GRM8: variants seen among roughly 807,000 people sequenced by gnomAD.
The protein encoded by GRM8 is metabotropic glutamate receptor 8.
GRM8 carries 47 observed loss-of-function variants against 87.2 expected under a neutral mutation model. The ratio of observed to expected loss-of-function variants is 0.54; its 90% CI spans 0.43 to 0.69. GRM8 has a LOEUF of 0.69. Ranked by LOEUF, GRM8 falls within the 30% of genes least tolerant of loss-of-function variation. The pLI is 0.00. For missense variants in GRM8, 1,019 were observed against 1,139.2 expected (o/e 0.89, Z 1.52); for synonymous variants, 396 against 404.5 (o/e 0.98, Z 0.25).
intron 9 of GRM8, among the ~76,000 whole-genome samples, chr7:126,478,178 G>A (rs1806222441): frequency 6.6e-6 from 1 of 152,066 alleles, no homozygotes; most frequent in African/African-American, 2.4e-5. Flanking sequence ...ATCTTTTTAG[G>A]AGACACCATT....
chr7:126,717,255 C>T (rs1811861124), intron 7 of GRM8, among the ~76,000 whole-genome samples: 1 of 152,076 alleles, frequency 6.6e-6, no homozygotes, highest in African/African-American at 2.4e-5. Flanking sequence ...GGAGCTGATC[C>T]CTGAGGCAAA....
chr7:126,879,615 C>T (rs2051681), intron 6 of GRM8, among the ~76,000 whole-genome samples: 27,135 of 149,952 alleles, frequency 0.18, 2,511 homozygotes, highest in Middle Eastern at 0.23. Context: ...CAAAGCCGTA[C>T]ATCACCACAT....
chr7:126,882,748 C>A (rs909539973), intron 6 of GRM8, among the ~76,000 whole-genome samples: 1 of 151,394 alleles, frequency 6.6e-6, no homozygotes, highest in African/African-American at 2.5e-5. Flanking sequence ...AATAGGAGAG[C>A]CTCCTGATGT....
At chr7:126,546,893 A>G (rs978172522) in intron 8 of GRM8, among the ~76,000 whole-genome samples, 11 of 152,178 alleles carry the variant, frequency 7.2e-5, no homozygotes, top group Non-Finnish European at 1.6e-4. Context: ...AAGTAAATCA[A>G]GGGGTTTTTT....
intron 7 of GRM8, among the ~76,000 whole-genome samples, chr7:126,732,725 T>C (rs1813736238): frequency 6.6e-6 from 1 of 152,102 alleles, no homozygotes; most frequent in South Asian, 2.1e-4. Context: ...AATACCTTCA[T>C]TTATCATTGT....
At position 126,475,009 on chromosome 7, in the gene GRM8, A is replaced by G. The variant is rs539226439; in HGVS notation, c.2431-28637T>C. Among the ~76,000 whole-genome samples, 18 of 152,290 alleles carry G rather than the reference A, an allele frequency of 1.2e-4. No homozygotes were observed. In the East Asian group the frequency reaches 3.5e-3, roughly 30 times the overall value. Reference sequence around the variant, plus strand: ...CATAACAAATGCCATATATAACAAAATCACAGCTAATGTCATACTTCACAG... The same window carrying G: ...CATAACAAATGCCATATATAACAAAGTCACAGCTAATGTCATACTTCACAG... On this transcript the variant is annotated intron_variant, in intron 9 of 10. Coordinates refer to ENST00000339582, the MANE Select transcript of GRM8 (RefSeq NM_000845.3).
At chr7:126,614,394 A>G (rs962438074) in intron 7 of GRM8, among the ~76,000 whole-genome samples, 4 of 152,148 alleles carry the variant, frequency 2.6e-5, no homozygotes, top group Non-Finnish European at 4.4e-5. Context: ...ATCATCAAAG[A>G]CCAAAGGCAG....
chr7:127,074,043 T>C (rs568802426), intron 3 of GRM8, among the ~76,000 whole-genome samples: 133 of 152,358 alleles, frequency 8.7e-4, no homozygotes, highest in African/African-American at 3.2e-3. Context: ...ATGTTTCACA[T>C]ACAAATTGCT....
intron 3 of GRM8, among the ~76,000 whole-genome samples, chr7:127,051,740 A>G (rs1238831641): frequency 2.9e-4 from 19 of 66,436 alleles, no homozygotes; most frequent in African/African-American, 9.9e-4. Context: ...AATGTTGAGC[A>G]AAAAAAAAAA....
chr7:126,888,933 G>A (rs185492311), intron 6 of GRM8, among the ~76,000 whole-genome samples: 1 of 151,886 alleles, frequency 6.6e-6, no homozygotes, highest in Non-Finnish European at 1.5e-5. Context: ...GCAGCTAAAG[G>A]TTATATATGG....
chr7:127,177,532 G>A (rs1413790909), intron 2 of GRM8, among the ~76,000 whole-genome samples: 1 of 152,182 alleles, frequency 6.6e-6, no homozygotes, highest in African/African-American at 2.4e-5. Flanking sequence ...CTCCTGGCAG[G>A]AGGCCAACCA....
At chr7:126,624,776 G>T (rs1169756160) in intron 7 of GRM8, among the ~76,000 whole-genome samples, 6 of 152,136 alleles carry the variant, frequency 3.9e-5, no homozygotes, top group Non-Finnish European at 7.4e-5. Context: ...TACATAGGAG[G>T]GCATTAAAAC....
At chr7:127,227,430 G>C (rs546161587) in intron 2 of GRM8, among the ~76,000 whole-genome samples, 1 of 152,160 alleles carries the variant, frequency 6.6e-6, no homozygotes, top group Non-Finnish European at 1.5e-5. Flanking sequence ...ACATGGAAAC[G>C]AGAAGCAAAT....
At chr7:126,939,187 G>A (rs1468505993) in intron 3 of GRM8, among the ~76,000 whole-genome samples, 5 of 152,132 alleles carry the variant, frequency 3.3e-5, no homozygotes, top group African/African-American at 1.2e-4. Context: ...GAGTTTTAAT[G>A]AAAGACACCA....
At chr7:126,971,701 G>A (rs531294780) in intron 3 of GRM8, among the ~76,000 whole-genome samples, 27 of 152,168 alleles carry the variant, frequency 1.8e-4, no homozygotes, top group Non-Finnish European at 4.0e-4. Flanking sequence ...TAAAATGGAG[G>A]TTGTCGGCAG....
intron 6 of GRM8, among the ~76,000 whole-genome samples, chr7:126,863,703 T>A (rs1798341095): frequency 6.6e-6 from 1 of 152,180 alleles, no homozygotes. Flanking sequence ...GTCTTCTATA[T>A]TTTTTCTAAA....
intron 3 of GRM8, among the ~76,000 whole-genome samples, chr7:126,919,030 A>G (rs1203958353): frequency 6.6e-6 from 1 of 152,194 alleles, no homozygotes; most frequent in African/African-American, 2.4e-5. Flanking sequence ...GTTATAGCTT[A>G]ACCATATATA....
chr7:127,161,754 A>G (rs1189671513), intron 2 of GRM8, among the ~76,000 whole-genome samples: 1 of 152,174 alleles, frequency 6.6e-6, no homozygotes, highest in African/African-American at 2.4e-5. Context: ...ACAAGATTCA[A>G]AGGGTACCCT....
chr7:126,727,230 T>C (rs1245827648), intron 7 of GRM8, among the ~76,000 whole-genome samples: 1 of 151,996 alleles, frequency 6.6e-6, no homozygotes, highest in Non-Finnish European at 1.5e-5. Context: ...ATATTCTATA[T>C]AATTCTGTGG....
Sources: gnomAD v4.1 joint callset for allele counts (sites outside exome capture counted in the v4.1 genomes callset) on GRCh38, gnomAD v4.1.1 for gene constraint, MANE v1.5 for transcripts, NCBI Gene and HGNC (gene_info 2026-07-23, HGNC 2026-07-21) for gene names.